The following EVC2 variants were observed in gnomAD, a reference collection of about 807,000 sequenced individuals.
EVC2 encodes the protein limbin.
Under a neutral mutation model 149.3 loss-of-function variants are expected in EVC2, and 148 were observed. That is an observed-to-expected ratio of 0.99 (90% confidence interval 0.87 to 1.14). The LOEUF is 1.14. EVC2 is among the 50% of genes most tolerant of loss of function. The pLI is 0.00. For synonymous variants in EVC2, 776 were observed against 649.9 expected (o/e 1.19, Z -2.95); for missense variants, 1,854 against 1,627.3 (o/e 1.14, Z -2.40).
In EVC2 at chr4:5,681,163, G is replaced by T; in HGVS notation, c.870+97C>A. ...CTCAACGCATAACTGGGGGACCAAG[G>T]CCAGCAGCTGGCCGCTCCCCATGGC... On this transcript the variant is annotated intron_variant, in intron 7 of 21. Coordinates refer to ENST00000344408, the MANE Select transcript of EVC2 (RefSeq NM_147127.5). 4 of 1,398,856 alleles carry T rather than the reference G, an allele frequency of 2.9e-6. No individual in the cohort carries two copies. The East Asian group carries it at 6.8e-5, about 24-fold the overall frequency. The allele number at this position is 1,398,856 out of a possible 1,614,324, so 86.7% of individuals were successfully genotyped here.
chr4:5,625,837 T>C lies in EVC2; in HGVS notation c.1958A>G (p.Lys653Arg), dbSNP rs139678716. Residue 653 changes from lysine to arginine, a missense_variant, in exon 13 of 22, where the codon AAG becomes AGG. Lys to Arg is a conservative substitution (Grantham distance 26). Coordinates refer to ENST00000344408, the MANE Select transcript of EVC2 (RefSeq NM_147127.5). The surrounding 1 kb of genome is among the most constrained non-coding windows in gnomAD (Gnocchi z 4.0). Reference protein sequence around the residue: ...ERAQTEVFSIKQKLDNDLKQE... With the variant: ...ERAQTEVFSIRQKLDNDLKQE... ...CTTTAAGTCATTGTCCAACTTCTGC[T>C]TGATTGAAAAGACTTCTGTCTGAGC... 1.8e-5 allele frequency: 29 copies of C among 1,613,984 alleles called. No homozygotes were observed. Among genetic ancestry groups the C allele is most frequent in the Non-Finnish European group, 2.3e-5 (27 of 1,179,988 alleles).
intron 6 of EVC2, among the ~76,000 whole-genome samples, chr4:5,681,822 G>T (rs1368872743): frequency 2.6e-5 from 4 of 152,158 alleles, no homozygotes; most frequent in Admixed American, 2.6e-4. Flanking sequence ...AGTGTGTCAT[G>T]GTATCCACCT....
At chr4:5,663,749 T>C (rs984093134) in intron 8 of EVC2, among the ~76,000 whole-genome samples, 16 of 151,978 alleles carry the variant, frequency 1.1e-4, no homozygotes, top group East Asian at 7.7e-4. Flanking sequence ...GGTGAAACCC[T>C]GTCTCTACTA....
Position 5,670,597 on chromosome 4 carries a change from ATCACCATCACCATCATCT to A in EVC2, c.871-4966_871-4949del, listed in dbSNP as rs1446326942. ...CACCATCACTATCAACATCATCAAT[ATCACCATCACCATCATCT>A]TCACCATCACCATCACTACCATCAT... On this transcript the variant is annotated intron_variant, in intron 7 of 21. Transcript: ENST00000344408. The surrounding 1 kb of genome is among the most constrained non-coding windows in gnomAD (Gnocchi z 5.2). 2.0e-5 allele frequency among the ~76,000 whole-genome samples: 3 copies of A among 151,924 alleles called. No homozygotes were observed. The highest frequency in any genetic ancestry group is 2.9e-5 in the Non-Finnish European group (2 of 67,960).
intron 21 of EVC2, among the ~76,000 whole-genome samples, 186 bp from the exon 22 acceptor site, chr4:5,563,301 T>C (rs1722070304): frequency 6.6e-6 from 1 of 152,178 alleles, no homozygotes. Flanking sequence ...GTAACAGTGG[T>C]GTGCTGTAGT....
intron 7 of EVC2, among the ~76,000 whole-genome samples, chr4:5,676,520 A>G (rs1720006121): frequency 6.6e-6 from 1 of 152,168 alleles, no homozygotes. Context: ...CCCCGCCGCC[A>G]TCAGCCCTGC....
chr4:5,594,325 G>T, intron 16 of EVC2, among the ~76,000 whole-genome samples: 1 of 152,210 alleles, frequency 6.6e-6, no homozygotes, highest in Admixed American at 6.5e-5. Context: ...GCACCTCCCA[G>T]TAGGGGCAGA....
intron 16 of EVC2, among the ~76,000 whole-genome samples, chr4:5,610,202 G>A (rs1488746230): frequency 1.3e-5 from 2 of 152,070 alleles, no homozygotes. Flanking sequence ...ATACATATAG[G>A]TACTCATATG....
intron 9 of EVC2, among the ~76,000 whole-genome samples, chr4:5,647,871 T>C (rs1717838436): frequency 6.6e-6 from 1 of 151,864 alleles, no homozygotes; most frequent in Admixed American, 6.6e-5. Flanking sequence ...GGGGTCAGAG[T>C]TGGAGAACGC....
chr4:5,707,022 C>T (rs1337274867), intron 1 of EVC2, among the ~76,000 whole-genome samples: 1 of 152,174 alleles, frequency 6.6e-6, no homozygotes, highest in Non-Finnish European at 1.5e-5. Flanking sequence ...GGATTTCTGA[C>T]ACTGGCTTCC....
intron 21 of EVC2, among the ~76,000 whole-genome samples, chr4:5,548,116 C>T (rs952561537): frequency 3.3e-5 from 5 of 152,032 alleles, no homozygotes; most frequent in African/African-American, 9.7e-5. Flanking sequence ...TTCACTCACA[C>T]ACCCCTTGCC....
intron 10 of EVC2, among the ~76,000 whole-genome samples, chr4:5,638,826 CA>C (rs1717092976): frequency 6.6e-6 from 1 of 152,126 alleles, no homozygotes; most frequent in Admixed American, 6.5e-5. Context: ...GACGCAGTTA[CA>C]ACCCCAGGAA....
intron 7 of EVC2, among the ~76,000 whole-genome samples, chr4:5,666,687 G>C (rs1241067132): frequency 6.6e-6 from 1 of 152,158 alleles, no homozygotes; most frequent in Non-Finnish European, 1.5e-5. Context: ...GTATCATAGA[G>C]AGCTTTTTCT....
At chr4:5,566,124 A>C (rs1722270513) in intron 20 of EVC2, among the ~76,000 whole-genome samples, 1 of 152,270 alleles carries the variant, frequency 6.6e-6, no homozygotes, top group Admixed American at 6.5e-5. Flanking sequence ...TTGGGAAAGT[A>C]CAGGCGAAGC....
At chr4:5,644,543 T>C (rs149645473) in intron 9 of EVC2, among the ~76,000 whole-genome samples, 10 of 152,272 alleles carry the variant, frequency 6.6e-5, no homozygotes, top group African/African-American at 2.2e-4. Flanking sequence ...GACCTCATGA[T>C]CTGCCCGCCT....
At chr4:5,549,522 C>T (rs1427540595) in intron 21 of EVC2, among the ~76,000 whole-genome samples, 1 of 152,184 alleles carries the variant, frequency 6.6e-6, no homozygotes, top group Non-Finnish European at 1.5e-5. Flanking sequence ...AGCTGATGTG[C>T]TCATCATTGG....
At chr4:5,611,181 G>A (rs1168526089) in intron 16 of EVC2, among the ~76,000 whole-genome samples, 1 of 152,184 alleles carries the variant, frequency 6.6e-6, no homozygotes, top group East Asian at 1.9e-4. Context: ...GTGTGAACTA[G>A]GAGACACTGC....
At chr4:5,552,228 A>G (rs1424845023) in intron 21 of EVC2, among the ~76,000 whole-genome samples, 1 of 152,222 alleles carries the variant, frequency 6.6e-6, no homozygotes, top group Non-Finnish European at 1.5e-5. Context: ...ATATGTATAT[A>G]CACACATATA....
intron 11 of EVC2, among the ~76,000 whole-genome samples, chr4:5,629,818 T>C (rs1716395530): frequency 6.6e-6 from 1 of 152,232 alleles, no homozygotes; most frequent in East Asian, 1.9e-4. Flanking sequence ...CCTAGCGGGA[T>C]CCATGCATGC....
Sources: gnomAD v4.1 joint callset for allele counts (sites outside exome capture counted in the v4.1 genomes callset) on GRCh38, gnomAD v4.1.1 for gene constraint, Gnocchi (gnomAD v3.1) non-coding constraint, MANE v1.5 for transcripts, NCBI Gene and HGNC (gene_info 2026-07-23, HGNC 2026-07-21) for gene names.